The following LPA variants were observed in gnomAD, a reference collection of about 807,000 sequenced individuals.
LPA encodes apolipoprotein(a).
LPA carries 199 observed loss-of-function variants against 197.9 expected under a neutral mutation model. That is an observed-to-expected ratio of 1.01 (90% CI 0.90 to 1.13). The LOEUF is 1.13. LPA is among the 50% of genes most tolerant of loss of function. LPA has a pLI of 0.00. For synonymous variants in LPA, 715 were observed against 639.5 expected, an observed-to-expected ratio of 1.12 and a Z score of -1.78; for missense variants, 1,853 against 1,785.8, an observed-to-expected ratio of 1.04 and a Z score of -0.68.
chr6:160,564,986 C>T (rs1778425883), intron 28 of LPA, among the ~76,000 whole-genome samples: 1 of 152,184 alleles, frequency 6.6e-6, no homozygotes, highest in Non-Finnish European at 1.5e-5. Context: ...GGGGCGTCTG[C>T]CATTGCTGAG....
intron 30 of LPA, among the ~76,000 whole-genome samples, chr6:160,549,262 T>C (rs1045630854): frequency 6.6e-6 from 1 of 152,168 alleles, no homozygotes; most frequent in Admixed American, 6.5e-5. Flanking sequence ...GGTGGGGACA[T>C]AGCCAAACCC....
intron 28 of LPA, among the ~76,000 whole-genome samples, chr6:160,576,365 T>C (rs866660705): frequency 0.034 from 1,182 of 34,622 alleles, 32 homozygotes; most frequent in African/African-American, 0.11. Flanking sequence ...TATATATATA[T>C]ACATATATAT....
At chr6:160,550,544 A>T (rs985952454) in intron 30 of LPA, among the ~76,000 whole-genome samples, 1 of 152,186 alleles carries the variant, frequency 6.6e-6, no homozygotes, top group Non-Finnish European at 1.5e-5. Flanking sequence ...GTATATTTTC[A>T]TGTATAGTCA....
intron 24 of LPA, among the ~76,000 whole-genome samples, chr6:160,588,512 C>T (rs972360026): frequency 6.6e-6 from 1 of 152,188 alleles, no homozygotes; most frequent in Admixed American, 6.5e-5. Context: ...ATTGAGCTTA[C>T]TGTTCCCCTG....
intron 26 of LPA, among the ~76,000 whole-genome samples, chr6:160,580,959 G>A (rs937881035): frequency 6.6e-6 from 1 of 151,308 alleles, no homozygotes; most frequent in East Asian, 1.9e-4. Context: ...AGTGTTTTCT[G>A]GTTCTTCCCT....
intron 28 of LPA, among the ~76,000 whole-genome samples, chr6:160,566,709 G>C (rs1778461536): frequency 6.6e-6 from 1 of 152,172 alleles, no homozygotes; most frequent in African/African-American, 2.4e-5. Flanking sequence ...ATTGGATAAA[G>C]AGTCAAGATC....
Position 160,557,390 on chromosome 6 carries a change from C to T in LPA, c.4813G>A (p.Ala1605Thr), listed in dbSNP as rs1778281760. The T allele has an allele frequency of 6.2e-7, 1 of 1,611,834 alleles. No homozygotes were observed. The highest frequency in any genetic ancestry group is 8.5e-7 in the Non-Finnish European group (1 of 1,179,188). ...AGATATCTGGCCACAGACTTCTTAC[C>T]TGCTTCAGAATGAGCCTCCATGCTT... ...VPSMEAHSEA[A>T]PTEQTPVVRQ... The change falls in exon 29 of 39, where the codon GCA (alanine) becomes ACA (threonine). Residue 1605 changes from alanine to threonine, a missense_variant and splice_region_variant. By Grantham distance (58) the Ala-to-Thr change is moderately conservative. Transcript: ENST00000316300.
chr6:160,609,969 C>A (rs182595127), intron 16 of LPA, among the ~76,000 whole-genome samples: 5 of 152,114 alleles, frequency 3.3e-5, no homozygotes, highest in Admixed American at 2.6e-4. Flanking sequence ...TATAATAGTT[C>A]TTTAATTTGA....
intron 20 of LPA, 129 bp from the exon 21 acceptor site, chr6:160,595,664 A>G (rs530353364): frequency 1.6e-5 from 21 of 1,325,984 alleles, no homozygotes; most frequent in Middle Eastern, 2.6e-4. Context: ...AGGTCCCATA[A>G]TATGCACAAA....
chr6:160,602,282 C>G (rs1350837875), intron 18 of LPA, among the ~76,000 whole-genome samples: 1 of 152,122 alleles, frequency 6.6e-6, no homozygotes, highest in East Asian at 1.9e-4. Flanking sequence ...TAATATCCCT[C>G]AGAATTCAAA....
At position 160,594,097 on chromosome 6, in the gene LPA, C is replaced by CG. The variant is rs1484859890; in HGVS notation, c.3489dup (p.Gly1164ArgfsTer9). The CG allele has an allele frequency of 5.0e-6, 8 of 1,613,698 alleles. No individual in the cohort carries two copies. In the African/African-American group the frequency reaches 9.3e-5, roughly 19 times the overall value. On this transcript the variant is annotated frameshift_variant, in exon 22 of 39. Transcript: ENST00000316300. LOFTEE classifies it high-confidence loss of function. ...TCACCATGGTAGCAATCCTGGACCC[C>CG]GGGGCTTTGCTCCGTTGGTGCTGAA...
intron 16 of LPA, among the ~76,000 whole-genome samples, chr6:160,611,351 T>A (rs1428535853): frequency 6.6e-6 from 1 of 152,110 alleles, no homozygotes; most frequent in South Asian, 2.1e-4. Flanking sequence ...CTCATTTCCC[T>A]TCTGCTCCAC....
Position 160,586,489 on chromosome 6 carries a change from C to T in LPA, c.4089G>A (p.Thr1363=), listed in dbSNP as rs371588466. 5.6e-6 allele frequency: 9 copies of T among 1,613,736 alleles called. No individual in the cohort carries two copies. Among genetic ancestry groups the T allele is most frequent in the African/African-American group, 5.3e-5 (4 of 75,012 alleles). The change falls in exon 25 of 39, where the codon ACG becomes ACA. Residue 1363 remains threonine (T), a synonymous_variant. Coordinates refer to ENST00000316300, the MANE Select transcript of LPA (RefSeq NM_005577.4). ...GCTCTGTGCTTGGAACTGGGACCAC[C>T]GTGGGAGTTGTGAGGAGAGTTGATT... is the stretch of plus-strand genomic sequence containing the variant. ...VMESTLLTTP[T]VVPVPSTELP...
chr6:160,597,767 T>G (rs767379794), intron 20 of LPA, among the ~76,000 whole-genome samples: 17 of 152,204 alleles, frequency 1.1e-4, no homozygotes, highest in Non-Finnish European at 2.1e-4. Flanking sequence ...ATTTCTATCA[T>G]TCCTGGTTCT....
In LPA at chr6:160,555,290, T is replaced by TTATATTATAG. The variant is rs139678436; in HGVS notation, c.4973+734_4973+735insCTATAATATA. Among the ~76,000 whole-genome samples the TTATATTATAG allele has an allele frequency of 1.4e-4, 15 of 103,552 alleles. No homozygotes were observed. The South Asian group carries it at 4.2e-3, about 29-fold the overall frequency. The allele number at this position is 103,552 out of a possible 152,430, so 67.9% of individuals were successfully genotyped here. A position where few individuals can be genotyped will look rare whatever the true frequency, so the allele number is the denominator to read the frequency against. ...TTATATTATATTATATTATATTATA[T>TTATATTATAG]GTTAGTGTGTGTGTGTGTGTGTGTG... On this transcript the variant is annotated intron_variant, in intron 30 of 38. Coordinates refer to ENST00000316300, the MANE Select transcript of LPA (RefSeq NM_005577.4).
rs1298930718 is a variant in LPA at position 160,578,559 on chromosome 6, C to T, written c.4435G>A (p.Ala1479Thr). Residue 1479 changes from alanine (A) to threonine (T), a missense_variant, in exon 27 of 39, where the codon GCC becomes ACC. Ala to Thr is a moderately conservative substitution (Grantham distance 58). Around this residue, in one of 3 missense-constraint regions of LPA, gnomAD observed 1,737 missense variants for 1,504.4 expected, o/e 1.15. Transcript: ENST00000316300. ...GGAGCCTCTGTGCTTGGAACCGGGG[C>T]CACTGTGGGAGTTGTGAGGACACTC... Reference protein sequence around the residue: ...ESSVLTTPTVAPVPSTEAPSE... With the variant: ...ESSVLTTPTVTPVPSTEAPSE... The T allele has an allele frequency of 6.2e-7, 1 of 1,613,772 alleles. No individual in the cohort carries two copies. The highest frequency in any genetic ancestry group is 8.5e-7 in the Non-Finnish European group (1 of 1,179,802).
At chr6:160,553,088 A>T (rs186417123) in intron 30 of LPA, among the ~76,000 whole-genome samples, 4 of 152,312 alleles carry the variant, frequency 2.6e-5, no homozygotes, top group East Asian at 3.9e-4. Context: ...ACTCATTAAC[A>T]GTATACTTCC....
At chr6:160,615,242 G>T (rs1190288883) in intron 14 of LPA, among the ~76,000 whole-genome samples, 4 of 135,536 alleles carry the variant, frequency 3.0e-5, no homozygotes, top group Middle Eastern at 4.0e-3. Flanking sequence ...CTACATGTCT[G>T]TGAGGCTCGC....
intron 1 of LPA, among the ~76,000 whole-genome samples, chr6:160,653,964 TATTA>T (rs1196520146): frequency 9.6e-5 from 3 of 31,380 alleles, no homozygotes; most frequent in African/African-American, 4.1e-4. Flanking sequence ...ATATAATATA[TATTA>T]TATATAATAT....
Sources: allele counts gnomAD v4.1 joint callset (sites outside exome capture counted in the v4.1 genomes callset), GRCh38; gene constraint gnomAD v4.1.1; regional missense constraint gnomAD v4.1.1; transcripts MANE v1.5; gene names NCBI Gene and HGNC (gene_info 2026-07-23, HGNC 2026-07-21).